Variants in NRXN3 observed in about 807,000 individuals in gnomAD.
NRXN3 encodes the protein neurexin 3, also known as neurexin III.
NRXN3 carries 32 observed loss-of-function variants against 137.6 expected under a neutral mutation model. That is an observed-to-expected ratio of 0.23 (90% CI 0.18 to 0.31). The LOEUF is 0.31. Among genes scored for constraint, NRXN3 ranks in the 10% least tolerant of loss-of-function variants. The pLI, the probability that NRXN3 is intolerant of heterozygous loss-of-function variation, is 1.00. For missense variants in NRXN3, 1,574 were observed against 2,062.5 expected, an observed-to-expected ratio of 0.76 and a Z score of 4.59; for synonymous variants, 798 against 784.5, an observed-to-expected ratio of 1.02 and a Z score of -0.29.
intron 15 of NRXN3, among the ~76,000 whole-genome samples, chr14:79,077,701 A>G (rs1436020504): frequency 6.6e-6 from 1 of 152,196 alleles, no homozygotes; most frequent in African/African-American, 2.4e-5. Flanking sequence ...TCAGCCCCTT[A>G]TAATTGGTGA....
chr14:79,171,658 A>G (rs995635406), intron 15 of NRXN3, among the ~76,000 whole-genome samples: 1 of 152,190 alleles, frequency 6.6e-6, no homozygotes, highest in Non-Finnish European at 1.5e-5. Context: ...AAGAGTGGAT[A>G]TAGTATTTAA....
intron 8 of NRXN3, among the ~76,000 whole-genome samples, chr14:78,758,318 A>G (rs1033347109): frequency 6.6e-6 from 1 of 152,180 alleles, no homozygotes; most frequent in African/African-American, 2.4e-5. Flanking sequence ...AAAGTGCTGT[A>G]ATCACTGTGC....
At chr14:79,158,524 T>A (rs540947585) in intron 15 of NRXN3, among the ~76,000 whole-genome samples, 12 of 151,982 alleles carry the variant, frequency 7.9e-5, no homozygotes, top group African/African-American at 2.9e-4. Flanking sequence ...TTATTTCACC[T>A]ACTTGCTGAA....
chr14:78,907,866 C>T (rs142517724), intron 10 of NRXN3, among the ~76,000 whole-genome samples: 1 of 152,000 alleles, frequency 6.6e-6, no homozygotes, highest in Non-Finnish European at 1.5e-5. Context: ...TCATTTAACT[C>T]CCACTTATAA....
chr14:79,745,630 A>G (rs187476152), intron 19 of NRXN3, among the ~76,000 whole-genome samples: 67 of 152,204 alleles, frequency 4.4e-4, no homozygotes, highest in Non-Finnish European at 8.4e-4. Context: ...TTTTTGGCTT[A>G]TTAGTTTCCT....
chr14:79,551,178 T>G (rs1277261270), intron 16 of NRXN3, among the ~76,000 whole-genome samples: 1 of 152,200 alleles, frequency 6.6e-6, no homozygotes, highest in East Asian at 1.9e-4. Flanking sequence ...TGAATGGCAT[T>G]TCTTATGTGC....
intron 15 of NRXN3, among the ~76,000 whole-genome samples, chr14:79,251,245 G>A (rs956704238): frequency 6.6e-6 from 1 of 152,164 alleles, no homozygotes; most frequent in East Asian, 1.9e-4. Flanking sequence ...AACAGTGTTG[G>A]CAGCTAAGAA....
intron 15 of NRXN3, among the ~76,000 whole-genome samples, chr14:79,440,995 G>A (rs566781011): frequency 1.6e-4 from 25 of 152,188 alleles, no homozygotes; most frequent in South Asian, 6.2e-4. Context: ...AATTGAAGTC[G>A]AAGAAATGCT....
At chr14:79,509,587 ATGTATATATG>A (rs1489552401) in intron 16 of NRXN3, among the ~76,000 whole-genome samples, 1 of 151,186 alleles carries the variant, frequency 6.6e-6, no homozygotes, top group African/African-American at 2.4e-5. Flanking sequence ...GTGTGTATAT[ATGTATATATG>A]TGTATATATG....
At chr14:78,704,337 A>G (rs2098323671) in intron 6 of NRXN3, among the ~76,000 whole-genome samples, 1 of 152,140 alleles carries the variant, frequency 6.6e-6, no homozygotes, top group African/African-American at 2.4e-5. Context: ...TAGCCAGGGA[A>G]ATTCTCAAAT....
chr14:79,422,713 T>TA (rs1354574484), intron 15 of NRXN3, among the ~76,000 whole-genome samples: 1 of 149,772 alleles, frequency 6.7e-6, no homozygotes, highest in Non-Finnish European at 1.5e-5. Context: ...TTTTTTTTTT[T>TA]TTTTGAGACG....
At chr14:78,485,788 AC>A in intron 4 of NRXN3, among the ~76,000 whole-genome samples, 1 of 152,324 alleles carries the variant, frequency 6.6e-6, no homozygotes, top group Admixed American at 6.5e-5. Flanking sequence ...GGTTATAATA[AC>A]CTTTGAATGT....
chr14:78,972,727 G>A (rs1003123806), intron 14 of NRXN3, among the ~76,000 whole-genome samples: 1 of 152,124 alleles, frequency 6.6e-6, no homozygotes, highest in Admixed American at 6.5e-5. Context: ...CCCCATCTTT[G>A]CTGTCTCTGG....
intron 16 of NRXN3, among the ~76,000 whole-genome samples, chr14:79,508,661 G>A (rs185998629): frequency 6.6e-6 from 1 of 151,578 alleles, no homozygotes; most frequent in Admixed American, 6.6e-5. Context: ...CAAAGTGCTG[G>A]GATTACAGGT....
At chr14:78,613,238 T>C (rs1470845591) in intron 4 of NRXN3, among the ~76,000 whole-genome samples, 2 of 152,220 alleles carry the variant, frequency 1.3e-5, no homozygotes, top group Non-Finnish European at 2.9e-5. Context: ...ATAACTAGTG[T>C]TTGTTTAGTA....
chr14:79,744,177 C>T (rs2098971748), intron 19 of NRXN3, among the ~76,000 whole-genome samples: 1 of 152,156 alleles, frequency 6.6e-6, no homozygotes, highest in South Asian at 2.1e-4. Context: ...GAGGTGACTA[C>T]TGTTGTTGGC....
chr14:79,577,835 G>T (rs2097679726), intron 16 of NRXN3, among the ~76,000 whole-genome samples: 1 of 152,192 alleles, frequency 6.6e-6, no homozygotes, highest in African/African-American at 2.4e-5. Flanking sequence ...GATCAGGATA[G>T]TGCTTCTCTT....
chr14:78,453,276 A>G (rs2094594466), intron 4 of NRXN3, among the ~76,000 whole-genome samples: 1 of 152,226 alleles, frequency 6.6e-6, no homozygotes, highest in Non-Finnish European at 1.5e-5. Flanking sequence ...ATAGCATCTT[A>G]TATGGAACTC....
intron 9 of NRXN3, among the ~76,000 whole-genome samples, chr14:78,806,373 T>C (rs1448218681): frequency 6.6e-6 from 1 of 152,218 alleles, no homozygotes; most frequent in Non-Finnish European, 1.5e-5. Flanking sequence ...AAATATTTTC[T>C]TTCTCTTTGC....
Sources: allele counts gnomAD v4.1 joint callset (sites outside exome capture counted in the v4.1 genomes callset), GRCh38; gene constraint gnomAD v4.1.1; transcripts MANE v1.5; gene names NCBI Gene and HGNC (gene_info 2026-07-23, HGNC 2026-07-21).